DGKB: variants seen among roughly 807,000 people sequenced by gnomAD.
The protein encoded by DGKB is diacylglycerol kinase beta.
Under a neutral mutation model 114.3 loss-of-function variants are expected in DGKB, and 67 were observed. The ratio of observed to expected loss-of-function variants is 0.59; its 90% CI spans 0.48 to 0.72. The LOEUF (loss-of-function observed/expected upper bound fraction) is 0.72, where lower values mean the gene tolerates loss of function less well. Among genes scored for constraint, DGKB ranks in the 30% least tolerant of loss-of-function variants. The pLI is 0.00. For synonymous variants in DGKB, 398 were observed against 323.1 expected (o/e 1.23, Z -2.49); for missense variants, 907 against 975.2 (o/e 0.93, Z 0.93).
intron 21 of DGKB, among the ~76,000 whole-genome samples, chr7:14,425,246 G>A (rs1208963118): frequency 6.6e-6 from 1 of 151,760 alleles, no homozygotes; most frequent in Non-Finnish European, 1.5e-5. Flanking sequence ...ATAATAAGTA[G>A]GACATATCTC....
chr7:14,464,080 A>AT (rs1833489644), intron 21 of DGKB, among the ~76,000 whole-genome samples: 2 of 151,842 alleles, frequency 1.3e-5, no homozygotes, highest in South Asian at 2.1e-4. Context: ...AAGCAATAGA[A>AT]TTTTTTTGTA....
intron 23 of DGKB, among the ~76,000 whole-genome samples, chr7:14,226,446 A>G (rs1362428411): frequency 6.6e-6 from 1 of 152,006 alleles, no homozygotes; most frequent in African/African-American, 2.4e-5. Context: ...TGAAAATTAA[A>G]CTGGTAAAGA....
Position 14,803,947 on chromosome 7 carries a change from T to C in DGKB, c.70+37247A>G, listed in dbSNP as rs141384801. Among the ~76,000 whole-genome samples, 35 of 152,254 alleles carry C rather than the reference T, an allele frequency of 2.3e-4. No individual in the cohort carries two copies. The East Asian group carries it at 6.6e-3, about 29-fold the overall frequency. On this transcript the variant is annotated intron_variant, in intron 2 of 25. Coordinates refer to ENST00000402815, the MANE Select transcript of DGKB (RefSeq NM_001350709.2). ...AACATCTCCCTTAGTTTCTGTGGAA[T>C]CATTATCCAGAATTTTAGTACTTTC...
intron 13 of DGKB, among the ~76,000 whole-genome samples, chr7:14,632,962 G>A (rs997908188): frequency 6.6e-6 from 1 of 151,812 alleles, no homozygotes; most frequent in Non-Finnish European, 1.5e-5. Flanking sequence ...GGTAAAACAG[G>A]TCCGATGTTG....
intron 2 of DGKB, among the ~76,000 whole-genome samples, chr7:14,826,669 A>G (rs773033190): frequency 1.2e-4 from 19 of 152,144 alleles, no homozygotes; most frequent in Non-Finnish European, 2.1e-4. Flanking sequence ...CTTTGACCTT[A>G]GGCAAATAAA....
chr7:14,908,107 T>A (rs377682482), upstream of DGKB, among the ~76,000 whole-genome samples: 3 of 152,324 alleles, frequency 2.0e-5, no homozygotes, highest in Admixed American at 6.5e-5. Flanking sequence ...TTAGCAATGG[T>A]CATCCACACA....
chr7:14,740,354 TA>T (rs1208685276), intron 4 of DGKB, among the ~76,000 whole-genome samples: 2 of 151,916 alleles, frequency 1.3e-5, no homozygotes, highest in African/African-American at 2.4e-5. Flanking sequence ...ACCAACCTAG[TA>T]ACACAGCCCT....
intron 9 of DGKB, among the ~76,000 whole-genome samples, chr7:14,690,531 C>T (rs896422754): frequency 6.6e-6 from 1 of 152,198 alleles, no homozygotes; most frequent in Non-Finnish European, 1.5e-5. Flanking sequence ...AACAGATCAG[C>T]GGTTGGCAAA....
At chr7:14,408,555 C>T (rs1296314978) in intron 21 of DGKB, among the ~76,000 whole-genome samples, 1 of 152,140 alleles carries the variant, frequency 6.6e-6, no homozygotes, top group Non-Finnish European at 1.5e-5. Context: ...TTGGAGGATA[C>T]ATTTAACAAC....
intron 2 of DGKB, among the ~76,000 whole-genome samples, chr7:14,813,346 A>T (rs1208366560): frequency 6.6e-6 from 1 of 152,196 alleles, no homozygotes; most frequent in Non-Finnish European, 1.5e-5. Context: ...ACCTATGAGG[A>T]TTGCTCTTGG....
chr7:14,433,224 T>G (rs1445549971), intron 21 of DGKB, among the ~76,000 whole-genome samples: 1 of 152,158 alleles, frequency 6.6e-6, no homozygotes, highest in Non-Finnish European at 1.5e-5. Flanking sequence ...TCATTCCAAT[T>G]CTAGAGCTCC....
chr7:14,961,282 A>T (rs148101790), intron 1 of DGKB, among the ~76,000 whole-genome samples: 1 of 152,106 alleles, frequency 6.6e-6, no homozygotes, highest in East Asian at 1.9e-4. Context: ...TGAACAAAAC[A>T]TTGATTTTAT....
chr7:14,434,962 T>C (rs1480399824), intron 21 of DGKB, among the ~76,000 whole-genome samples: 1 of 152,146 alleles, frequency 6.6e-6, no homozygotes, highest in Non-Finnish European at 1.5e-5. Flanking sequence ...CCTTCTAAGA[T>C]GCACCTTCTC....
intron 24 of DGKB, 93 bp from the exon 25 acceptor site, chr7:14,176,992 A>G: frequency 7.0e-7 from 1 of 1,431,574 alleles, no homozygotes; most frequent in East Asian, 2.3e-5. Context: ...CAGGGAAGGC[A>G]ATATGGTAAT....
Position 14,665,465 on chromosome 7 carries a change from G to A in DGKB, c.1134+7464C>T, listed in dbSNP as rs151097022. Among the ~76,000 whole-genome samples the A allele has an allele frequency of 3.1e-3, 464 of 151,970 alleles. 2 individuals carry two copies. The highest frequency in any genetic ancestry group is 0.014 in the East Asian group (74 of 5,162). On this transcript the variant is annotated intron_variant, in intron 13 of 25. Transcript: ENST00000402815. ...GAAATAATCTGTACAACAAGCCCCC[G>A]TGACACAAGCTTACCTATATAATAA...
At chr7:14,361,721 T>C (rs752382693) in intron 21 of DGKB, among the ~76,000 whole-genome samples, 6 of 151,998 alleles carry the variant, frequency 3.9e-5, no homozygotes, top group Non-Finnish European at 5.9e-5. Context: ...GTGCCTACCT[T>C]TATACCATTT....
intron 14 of DGKB, among the ~76,000 whole-genome samples, chr7:14,626,653 A>C (rs988660885): frequency 6.6e-6 from 1 of 152,220 alleles, no homozygotes; most frequent in African/African-American, 2.4e-5. Context: ...TGAACATTTT[A>C]ATGGTTGAAG....
chr7:14,757,624 C>A (rs775142603), intron 3 of DGKB, 31 bp downstream of exon 3: 2 of 1,298,224 alleles, frequency 1.5e-6, no homozygotes, highest in African/African-American at 3.0e-5. Context: ...AGCATATATA[C>A]GAAACTGATA....
intron 21 of DGKB, among the ~76,000 whole-genome samples, chr7:14,385,876 G>T (rs1038612495): frequency 6.6e-6 from 1 of 152,202 alleles, no homozygotes; most frequent in Admixed American, 6.5e-5. Context: ...ACGGTGATGT[G>T]ATATGAAAAC....
Sources: allele counts gnomAD v4.1 joint callset (sites outside exome capture counted in the v4.1 genomes callset), GRCh38; gene constraint gnomAD v4.1.1; transcripts MANE v1.5; gene names NCBI Gene and HGNC (gene_info 2026-07-23, HGNC 2026-07-21).